The following MDGA2 variants were observed in gnomAD, a reference collection of about 807,000 sequenced individuals.
The protein encoded by MDGA2 is MAM domain-containing glycosylphosphatidylinositol anchor protein 2.
In MDGA2, 40 loss-of-function variants were observed where a neutral mutation model predicts 117.8. The observed-to-expected ratio is 0.34, with a 90% confidence interval of 0.26 to 0.44. The LOEUF is 0.44. Ranked by LOEUF, MDGA2 falls within the 20% of genes least tolerant of loss-of-function variation. The probability of loss-of-function intolerance (pLI) is 1.00; values close to 1 mark genes in which losing one functional copy is unlikely to be tolerated. For missense variants in MDGA2, 1,123 were observed against 1,250.6 expected, an observed-to-expected ratio of 0.90 and a Z score of 1.54; for synonymous variants, 452 against 439.0, an observed-to-expected ratio of 1.03 and a Z score of -0.37.
At chr14:47,022,111 G>A (rs1017318391) in intron 8 of MDGA2, among the ~76,000 whole-genome samples, 1 of 151,970 alleles carries the variant, frequency 6.6e-6, no homozygotes, top group Non-Finnish European at 1.5e-5. Context: ...TCGAGACAGG[G>A]TTTCACTCTA....
chr14:47,302,113 GC>G (rs1889304807), intron 1 of MDGA2, among the ~76,000 whole-genome samples: 1 of 152,144 alleles, frequency 6.6e-6, no homozygotes, highest in African/African-American at 2.4e-5. Context: ...TCTTGATTAA[GC>G]CATGGAAGAA....
At chr14:46,921,555 G>A (rs1227578634) in intron 9 of MDGA2, among the ~76,000 whole-genome samples, 1 of 150,970 alleles carries the variant, frequency 6.6e-6, no homozygotes, top group Non-Finnish European at 1.5e-5. Context: ...GGAGGCAGAG[G>A]TTGCAGTGAG....
At chr14:47,635,462 T>A (rs1006096646) in intron 1 of MDGA2, among the ~76,000 whole-genome samples, 4 of 152,158 alleles carry the variant, frequency 2.6e-5, no homozygotes, top group Non-Finnish European at 2.9e-5. Context: ...ATAATAATAC[T>A]TTTTAAAAGT....
Position 47,172,864 on chromosome 14 carries a change from A to C in MDGA2, c.596-28590T>G, listed in dbSNP as rs1426524197. On this transcript the variant is annotated intron_variant, in intron 3 of 16. Transcript: ENST00000399232. ...TCAAACTACTCCGAGCTACAGGAGG[A>C]AATTCAAACCAAAGGCAAAGAAGTT... Among the ~76,000 whole-genome samples the C allele has an allele frequency of 2.0e-5, 3 of 152,224 alleles. No individual in the cohort carries two copies. In the East Asian group the frequency reaches 5.8e-4, roughly 29 times the overall value.
intron 3 of MDGA2, among the ~76,000 whole-genome samples, chr14:47,210,447 C>T (rs1312158407): frequency 6.6e-6 from 1 of 152,090 alleles, no homozygotes; most frequent in Non-Finnish European, 1.5e-5. Context: ...CCCTATGAAC[C>T]ACACAGTCAT....
At chr14:47,565,462 C>T (rs550911053) in intron 1 of MDGA2, among the ~76,000 whole-genome samples, 1 of 152,246 alleles carries the variant, frequency 6.6e-6, no homozygotes, top group African/African-American at 2.4e-5. Context: ...TGTTATCAGG[C>T]CCCCAGCTTT....
intron 14 of MDGA2, among the ~76,000 whole-genome samples, chr14:46,861,515 C>G (rs1428722078): frequency 6.6e-6 from 1 of 151,522 alleles, no homozygotes; most frequent in African/African-American, 2.4e-5. Flanking sequence ...TTTAAAGAAG[C>G]CAGGTGTAAA....
chr14:47,512,942 A>G (rs1056308292), intron 1 of MDGA2, among the ~76,000 whole-genome samples: 1 of 151,960 alleles, frequency 6.6e-6, no homozygotes, highest in Non-Finnish European at 1.5e-5. Context: ...GTATTCAAGG[A>G]AACTTTTAAT....
intron 1 of MDGA2, among the ~76,000 whole-genome samples, chr14:47,443,949 AAC>A (rs1893068021): frequency 1.3e-5 from 2 of 152,202 alleles, no homozygotes; most frequent in Admixed American, 6.6e-5. Context: ...TTTTTGCCAA[AAC>A]ACAGTTACTA....
chr14:47,656,851 GATTT>G (rs1194536533), intron 1 of MDGA2, among the ~76,000 whole-genome samples: 2 of 152,148 alleles, frequency 1.3e-5, no homozygotes, highest in African/African-American at 4.8e-5. Flanking sequence ...AAAGAGGTGG[GATTT>G]ATAATCCCTT....
At chr14:47,041,256 T>A (rs1279531554) in intron 7 of MDGA2, among the ~76,000 whole-genome samples, 1 of 152,074 alleles carries the variant, frequency 6.6e-6, no homozygotes, top group Non-Finnish European at 1.5e-5. Flanking sequence ...AGATAAGTTA[T>A]GAATTATTTT....
At chr14:46,880,806 A>G (rs1174468802) in intron 11 of MDGA2, among the ~76,000 whole-genome samples, 1 of 139,046 alleles carries the variant, frequency 7.2e-6, no homozygotes, top group East Asian at 2.8e-4. Flanking sequence ...CCGTCTCCAA[A>G]AAAAAAAAAA....
At chr14:47,608,563 T>C (rs892019010) in intron 1 of MDGA2, among the ~76,000 whole-genome samples, 76 of 152,178 alleles carry the variant, frequency 5.0e-4, no homozygotes, top group Middle Eastern at 3.4e-3. Context: ...CAGGTGGCTA[T>C]ATTAGTAGGA....
intron 6 of MDGA2, among the ~76,000 whole-genome samples, chr14:47,089,282 C>T (rs1005633122): frequency 3.9e-5 from 6 of 152,212 alleles, no homozygotes; most frequent in Middle Eastern, 3.4e-3. Flanking sequence ...GCCCTGGAAA[C>T]TTATTGTGTG....
At chr14:47,623,376 T>G (rs1283888666) in intron 1 of MDGA2, among the ~76,000 whole-genome samples, 1 of 152,218 alleles carries the variant, frequency 6.6e-6, no homozygotes, top group Non-Finnish European at 1.5e-5. Flanking sequence ...ATGTTTCTAC[T>G]GACAAGAAAC....
chr14:47,535,330 G>GT (rs1414133823), intron 1 of MDGA2, among the ~76,000 whole-genome samples: 2 of 152,206 alleles, frequency 1.3e-5, no homozygotes, highest in African/African-American at 2.4e-5. Context: ...GCATGCAGAT[G>GT]TAAGTTAGGT....
intron 1 of MDGA2, among the ~76,000 whole-genome samples, chr14:47,662,492 A>C (rs1897869424): frequency 5.7e-4 from 1 of 1,742 alleles, no homozygotes; most frequent in African/African-American, 6.7e-4. Context: ...TTGCATAAGT[A>C]AGCTTAGAGA....
intron 5 of MDGA2, among the ~76,000 whole-genome samples, chr14:47,110,167 A>C (rs909339641): frequency 9.4e-4 from 56 of 59,286 alleles, no homozygotes; most frequent in East Asian, 1.9e-3. Context: ...CACCACTCCC[A>C]AAAAAAAAAA....
At chr14:47,299,388 T>C (rs1269149272) in intron 2 of MDGA2, 1 of 152,214 alleles carries the variant, frequency 6.6e-6, no homozygotes, top group East Asian at 1.9e-4. Context: ...AGGTGTAAAT[T>C]TAGTACACTC....
Sources: allele counts gnomAD v4.1 joint callset (sites outside exome capture counted in the v4.1 genomes callset), GRCh38; gene constraint gnomAD v4.1.1; transcripts MANE v1.5; gene names NCBI Gene and HGNC (gene_info 2026-07-23, HGNC 2026-07-21).